The following SPART variants were observed in gnomAD, a reference collection of about 807,000 sequenced individuals.
The protein encoded by SPART is spartin.
SPART carries 35 observed loss-of-function variants against 58.7 expected under a neutral mutation model. The ratio of observed to expected loss-of-function variants is 0.60; its 90% confidence interval spans 0.46 to 0.79. The LOEUF (loss-of-function observed/expected upper bound fraction) is 0.79. SPART is among the 30% of genes least tolerant of loss of function. SPART has a pLI of 0.00. For missense variants in SPART, 730 were observed against 786.1 expected (o/e 0.93, Z 0.85); for synonymous variants, 284 against 280.7 (o/e 1.01, Z -0.12).
intron 1 of SPART, among the ~76,000 whole-genome samples, chr13:36,359,931 A>AAAAC (rs1413835155): frequency 2.3e-4 from 35 of 151,162 alleles, no homozygotes; most frequent in African/African-American, 5.1e-4. Context: ...TTTAAAAAAA[A>AAAAC]AAAAAAAAAA....
chr13:36,303,841 T>A lies in SPART; in HGVS notation c.*524A>T, dbSNP rs1054141. On this transcript the variant is annotated 3_prime_UTR_variant, in exon 9 of 9. Coordinates refer to ENST00000438666, the MANE Select transcript of SPART (RefSeq NM_015087.5). ...CAGTCTTTCCCTGTTTTGAACAAGT[T>A]TTTTTGAGAATTCTTAGTTTTAGTT... 2 of 154,200 alleles carry A rather than the reference T, an allele frequency of 1.3e-5. No homozygotes were observed. Among genetic ancestry groups the A allele is most frequent in the African/African-American group, 4.8e-5 (2 of 41,434 alleles). 9.6% of individuals were successfully genotyped at this position (154,200 alleles called of 1,614,324 possible).
intron 4 of SPART, among the ~76,000 whole-genome samples, chr13:36,328,331 T>G (rs911638142): frequency 6.6e-6 from 1 of 152,220 alleles, no homozygotes; most frequent in African/African-American, 2.4e-5. Context: ...AAACTGCCTA[T>G]GATACTCAAG....
At chr13:36,308,974 G>A (rs1046251380) in intron 8 of SPART, among the ~76,000 whole-genome samples, 1 of 152,128 alleles carries the variant, frequency 6.6e-6, no homozygotes, top group Non-Finnish European at 1.5e-5. Flanking sequence ...GCCAGGTGTG[G>A]TGGCTCACGC....
intron 1 of SPART, among the ~76,000 whole-genome samples, chr13:36,361,999 C>A (rs1381233399): frequency 6.6e-6 from 1 of 152,160 alleles, no homozygotes; most frequent in African/African-American, 2.4e-5. Context: ...GCCTAGGACA[C>A]TCCATTGTAG....
At chr13:36,368,189 C>G (rs573518128) in intron 1 of SPART, 6 of 463,670 alleles carry the variant, frequency 1.3e-5, no homozygotes, top group Non-Finnish European at 2.7e-5. Context: ...ATTCCTTTCT[C>G]CCTTCCAGCA....
chr13:36,312,664 T>C, intron 6 of SPART, 187 bp from the exon 7 acceptor site: 1 of 652,816 alleles, frequency 1.5e-6, no homozygotes, highest in African/African-American at 1.8e-5. Flanking sequence ...CCTTGACTTG[T>C]ACTCCTGGGC....
intron 5 of SPART, among the ~76,000 whole-genome samples, chr13:36,320,670 A>T (rs2137406170): frequency 6.6e-6 from 1 of 152,282 alleles, no homozygotes; most frequent in East Asian, 1.9e-4. Context: ...CTGGCAAATT[A>T]GCTTTACTCA....
At chr13:36,327,888 G>A (rs1189393337) in intron 4 of SPART, among the ~76,000 whole-genome samples, 1 of 152,130 alleles carries the variant, frequency 6.6e-6, no homozygotes, top group Non-Finnish European at 1.5e-5. Flanking sequence ...CAGCTGCTCG[G>A]GAGGTTGAGA....
chr13:36,326,483 A>C, intron 5 of SPART, 92 bp downstream of exon 5: 4 of 1,501,396 alleles, frequency 2.7e-6, no homozygotes, highest in Non-Finnish European at 2.7e-6. Flanking sequence ...ACAAAATATT[A>C]TCTTTCTCAG....
Position 36,304,379 on chromosome 13 carries a change from T to G in SPART, c.1987A>C (p.Lys663Gln). The G allele has an allele frequency of 6.2e-7, 1 of 1,614,120 alleles. No individual in the cohort carries two copies. Reference sequence around the variant, plus strand: ...CCAGCACTTCATCATTTATCTTTCTTCTTTGCCTCCTTTACTTCCTTCGTC... The same window carrying G: ...CCAGCACTTCATCATTTATCTTTCTGCTTTGCCTCCTTTACTTCCTTCGTC... ...EQTKEVKEAK[K>Q]KDK Residue 663 changes from lysine to glutamine, a missense_variant, in exon 9 of 9, where the codon AAG becomes CAG. Transcript: ENST00000438666.
chr13:36,370,032 A>C (rs755264169), intron 1 of SPART: 3 of 152,230 alleles, frequency 2.0e-5, no homozygotes, highest in Non-Finnish European at 4.4e-5. Context: ...GTTATTATAG[A>C]GCATAAATAA....
At chr13:36,323,428 A>G in intron 5 of SPART, among the ~76,000 whole-genome samples, 1 of 152,160 alleles carries the variant, frequency 6.6e-6, no homozygotes, top group East Asian at 1.9e-4. Context: ...AGGTTTCTCA[A>G]GCCTATACAG....
At chr13:36,343,995 C>T (rs1374125960) in intron 1 of SPART, among the ~76,000 whole-genome samples, 1 of 149,080 alleles carries the variant, frequency 6.7e-6, no homozygotes, top group Non-Finnish European at 1.5e-5. Flanking sequence ...CACCACTGCA[C>T]TCCAACCAGC....
At chr13:36,319,541 C>T (rs1421383062) in intron 5 of SPART, among the ~76,000 whole-genome samples, 1 of 151,988 alleles carries the variant, frequency 6.6e-6, no homozygotes, top group Non-Finnish European at 1.5e-5. Context: ...CCCATTTTAC[C>T]TGTCCTGAAA....
intron 5 of SPART, among the ~76,000 whole-genome samples, chr13:36,322,417 G>T (rs188750627): frequency 4.0e-5 from 6 of 149,890 alleles, no homozygotes; most frequent in African/African-American, 1.5e-4. Context: ...ACTGCACTCC[G>T]ACTTGGGTAA....
chr13:36,331,893 A>C (rs1252584395), intron 2 of SPART, among the ~76,000 whole-genome samples: 4 of 152,236 alleles, frequency 2.6e-5, no homozygotes, highest in Admixed American at 1.3e-4. Context: ...CTCCAGCTTT[A>C]AATAAATAAT....
At chr13:36,343,505 G>A (rs1050176729) in intron 1 of SPART, among the ~76,000 whole-genome samples, 6 of 152,140 alleles carry the variant, frequency 3.9e-5, no homozygotes, top group Admixed American at 2.6e-4. Flanking sequence ...GTGGGAAACT[G>A]CATTCTTTTC....
chr13:36,308,843 A>T (rs1880779226), intron 8 of SPART, among the ~76,000 whole-genome samples: 1 of 141,328 alleles, frequency 7.1e-6, no homozygotes, highest in Non-Finnish European at 1.6e-5. Context: ...AATGAATATT[A>T]GAGTTCAGGC....
chr13:36,367,460 A>G (rs1886105338), intron 1 of SPART, among the ~76,000 whole-genome samples: 1 of 152,134 alleles, frequency 6.6e-6, no homozygotes, highest in Non-Finnish European at 1.5e-5. Context: ...CAGCCTCTGC[A>G]TATATACCTG....
Sources: gnomAD v4.1 joint callset for allele counts (sites outside exome capture counted in the v4.1 genomes callset) on GRCh38, gnomAD v4.1.1 for gene constraint, MANE v1.5 for transcripts, NCBI Gene and HGNC (gene_info 2026-07-23, HGNC 2026-07-21) for gene names.